DLG2: variants seen among roughly 807,000 people sequenced by gnomAD.
DLG2 encodes the protein discs large MAGUK scaffold protein 2, also known as disks large homolog 2.
A neutral mutation model predicts 132.5 loss-of-function variants in DLG2; 45 were observed. That is an observed-to-expected ratio of 0.34 (90% confidence interval 0.27 to 0.44). DLG2 has a LOEUF of 0.44. Among genes scored for constraint, DLG2 ranks in the 20% least tolerant of loss-of-function variants. The probability of loss-of-function intolerance (pLI) is 1.00; values close to 1 mark genes in which losing one functional copy is unlikely to be tolerated. For missense variants in DLG2, 1,045 were observed against 1,196.9 expected (o/e 0.87, Z 1.87); for synonymous variants, 424 against 419.6 (o/e 1.01, Z -0.13).
At chr11:84,230,212 GT>G (rs1439875858) in intron 8 of DLG2, among the ~76,000 whole-genome samples, 1 of 152,142 alleles carries the variant, frequency 6.6e-6, no homozygotes, top group Non-Finnish European at 1.5e-5. Context: ...AACTAAATAT[GT>G]TTACAAAATA....
chr11:84,014,981 GTAGA>G (rs2095097669), intron 11 of DLG2, among the ~76,000 whole-genome samples: 1 of 152,018 alleles, frequency 6.6e-6, no homozygotes, highest in South Asian at 2.1e-4. Context: ...GTAATTTGGT[GTAGA>G]TACTCATTAA....
At chr11:84,667,822 T>C (rs541232981) in intron 6 of DLG2, among the ~76,000 whole-genome samples, 247 of 152,144 alleles carry the variant, frequency 1.6e-3, no homozygotes, top group Non-Finnish European at 2.9e-3. Context: ...TTTTAGTAAC[T>C]AGGTTCCATT....
chr11:85,014,803 T>G (rs2154136988), intron 6 of DLG2, among the ~76,000 whole-genome samples: 1 of 152,328 alleles, frequency 6.6e-6, no homozygotes, highest in African/African-American at 2.4e-5. Context: ...GGTACCTGTC[T>G]TGGGCACCTT....
intron 3 of DLG2, among the ~76,000 whole-genome samples, chr11:85,384,946 T>C (rs566905798): frequency 6.6e-6 from 1 of 152,338 alleles, no homozygotes; most frequent in Admixed American, 6.5e-5. Context: ...TGCATTCTCA[T>C]CAGGATTAAA....
intron 6 of DLG2, among the ~76,000 whole-genome samples, chr11:84,809,847 T>A (rs1404492432): frequency 6.6e-6 from 1 of 151,948 alleles, no homozygotes; most frequent in East Asian, 1.9e-4. Context: ...TTTCAACACT[T>A]ACAGAGCTAC....
At chr11:84,522,144 G>A (rs1470704702) in intron 7 of DLG2, among the ~76,000 whole-genome samples, 1 of 151,616 alleles carries the variant, frequency 6.6e-6, no homozygotes, top group South Asian at 2.1e-4. Flanking sequence ...CTCCAGCCTG[G>A]GCGACAGAGC....
intron 7 of DLG2, among the ~76,000 whole-genome samples, chr11:84,271,578 G>T (rs1284053859): frequency 6.6e-6 from 1 of 152,172 alleles, no homozygotes; most frequent in Non-Finnish European, 1.5e-5. Context: ...ATTGGAAATT[G>T]GAGACGCTTG....
At chr11:83,867,358 C>T (rs2062593427) in intron 16 of DLG2, among the ~76,000 whole-genome samples, 1 of 152,102 alleles carries the variant, frequency 6.6e-6, no homozygotes, top group Non-Finnish European at 1.5e-5. Context: ...ATATCAGTTA[C>T]TATTAAATTA....
intron 6 of DLG2, among the ~76,000 whole-genome samples, chr11:84,736,863 C>G (rs2063901093): frequency 6.6e-6 from 1 of 151,882 alleles, no homozygotes; most frequent in African/African-American, 2.4e-5. Flanking sequence ...TTTTTCTTTA[C>G]TGATTATGCT....
At chr11:84,072,680 T>C (rs1457185044) in intron 10 of DLG2, among the ~76,000 whole-genome samples, 1 of 152,150 alleles carries the variant, frequency 6.6e-6, no homozygotes, top group Non-Finnish European at 1.5e-5. Context: ...TGTTAAATAA[T>C]TTGGACTTGA....
At chr11:85,045,654 T>C (rs2154151791) in intron 6 of DLG2, among the ~76,000 whole-genome samples, 1 of 152,118 alleles carries the variant, frequency 6.6e-6, no homozygotes, top group East Asian at 1.9e-4. Flanking sequence ...ATTTCAAAAG[T>C]AAAACAAAAT....
chr11:83,833,890 C>G, intron 16 of DLG2, 120 bp from the exon 17 acceptor site: 1 of 1,068,750 alleles, frequency 9.4e-7, no homozygotes, highest in Non-Finnish European at 1.3e-6. Context: ...GTTTCTCAAA[C>G]TAAGATAACA....
At chr11:84,162,325 T>C (rs1262116163) in intron 9 of DLG2, among the ~76,000 whole-genome samples, 1 of 151,890 alleles carries the variant, frequency 6.6e-6, no homozygotes, top group Non-Finnish European at 1.5e-5. Context: ...TGTATATATA[T>C]TATATTATAT....
intron 4 of DLG2, among the ~76,000 whole-genome samples, chr11:85,193,401 T>C (rs778069630): frequency 6.6e-6 from 1 of 152,208 alleles, no homozygotes; most frequent in Non-Finnish European, 1.5e-5. Context: ...CATAGAAACA[T>C]ATATTTTCAG....
intron 11 of DLG2, among the ~76,000 whole-genome samples, chr11:84,041,536 A>G (rs1425843240): frequency 6.6e-6 from 1 of 151,904 alleles, no homozygotes; most frequent in Non-Finnish European, 1.5e-5. Context: ...CAATTATTTT[A>G]TTATGAATAA....
chr11:85,581,315 T>C (rs2078502025), intron 3 of DLG2, among the ~76,000 whole-genome samples: 1 of 152,072 alleles, frequency 6.6e-6, no homozygotes, highest in Non-Finnish European at 1.5e-5. Context: ...TAAATCTCTT[T>C]GAGAACGCCT....
At chr11:84,357,181 C>T (rs2098619737) in intron 7 of DLG2, among the ~76,000 whole-genome samples, 3 of 152,018 alleles carry the variant, frequency 2.0e-5, no homozygotes, top group Non-Finnish European at 2.9e-5. Context: ...AAAAAGATAG[C>T]TCTGGCTGCC....
chr11:84,475,970 A>G (rs2099120638), intron 7 of DLG2, among the ~76,000 whole-genome samples: 1 of 152,074 alleles, frequency 6.6e-6, no homozygotes, highest in African/African-American at 2.4e-5. Flanking sequence ...ATACATCCCT[A>G]CACTGATGCT....
At chr11:84,740,082 G>A (rs908113610) in intron 6 of DLG2, among the ~76,000 whole-genome samples, 2 of 151,736 alleles carry the variant, frequency 1.3e-5, no homozygotes, top group Non-Finnish European at 2.9e-5. Flanking sequence ...AGTTTCCATG[G>A]CATCCACTAG....
Sources: gnomAD v4.1 joint callset for allele counts (sites outside exome capture counted in the v4.1 genomes callset) on GRCh38, gnomAD v4.1.1 for gene constraint, MANE v1.5 for transcripts, NCBI Gene and HGNC (gene_info 2026-07-23, HGNC 2026-07-21) for gene names.